TRAF6: variants seen among roughly 807,000 people sequenced by gnomAD.
TRAF6 encodes the protein TNF receptor-associated factor 6.
Under a neutral mutation model 48.4 loss-of-function variants are expected in TRAF6, and 10 were observed. That is an observed-to-expected ratio of 0.21 (90% CI 0.13 to 0.35). The LOEUF is 0.35. TRAF6 is among the 10% of genes least tolerant of loss of function. The pLI, the probability that TRAF6 is intolerant of heterozygous loss-of-function variation, is 1.00. For synonymous variants in TRAF6, 186 were observed against 219.6 expected (o/e 0.85, Z 1.35); for missense variants, 397 against 661.0 (o/e 0.60, Z 4.38).
At chr11:36,496,046 G>A (rs1454155706) in intron 4 of TRAF6, among the ~76,000 whole-genome samples, 1 of 152,098 alleles carries the variant, frequency 6.6e-6, no homozygotes, top group Non-Finnish European at 1.5e-5. Flanking sequence ...AACTGCCAAC[G>A]TGAATTTATA....
intron 6 of TRAF6, among the ~76,000 whole-genome samples, chr11:36,491,631 G>C (rs983051409): frequency 1.3e-5 from 2 of 152,140 alleles, no homozygotes; most frequent in African/African-American, 4.8e-5. Flanking sequence ...CATGAATCTT[G>C]AAACTAATTT....
chr11:36,494,947 AAAT>A (rs1859609853), intron 5 of TRAF6, 26 bp downstream of exon 5: 1 of 1,474,592 alleles, frequency 6.8e-7, no homozygotes, highest in Non-Finnish European at 9.4e-7. Context: ...CTGTTTATGA[AAAT>A]AATAATTTAT....
intron 5 of TRAF6, among the ~76,000 whole-genome samples, chr11:36,493,857 C>T (rs577823885): frequency 2.0e-5 from 3 of 152,296 alleles, no homozygotes; most frequent in Admixed American, 6.5e-5. Context: ...AGACTGTTAA[C>T]AAACCAATGA....
At position 36,490,189 on chromosome 11, in the gene TRAF6, A is replaced by G. The variant is rs1859544276; in HGVS notation, c.1218T>C (p.Tyr406=). 2 of 1,614,216 alleles carry G rather than the reference A, an allele frequency of 1.2e-6. No individual in the cohort carries two copies. The highest frequency in any genetic ancestry group is 1.1e-5 in the South Asian group (1 of 91,092). ...GCATTGTGTGGACAAAAAGGGATAT[A>G]TAGTTTGCACAGCGCTGAGCAGTCG... ...QLPTAQRCAN[Y]ISLFVHTMQG... The change falls in exon 7 of 7, where the codon TAT becomes TAC. Residue 406 remains tyrosine (Y), a synonymous_variant. Coordinates refer to ENST00000526995, the MANE Select transcript of TRAF6 (RefSeq NM_004620.4). This position sits in a 1 kb window ranked among gnomAD's most constrained non-coding sequence, Gnocchi z 6.4.
rs1348486967 is a variant in TRAF6, at chr11:36,488,261, T to C, written c.*1577A>G. 6.6e-6 allele frequency: 1 copy of C among 151,756 alleles called. No homozygotes were observed. Among genetic ancestry groups the C allele is most frequent in the Non-Finnish European group, 1.5e-5 (1 of 67,986 alleles). The allele number at this position is 151,756 out of a possible 1,614,324, so 9.4% of individuals were successfully genotyped here. A position where few individuals can be genotyped will look rare whatever the true frequency, so the allele number is the denominator to read the frequency against. On this transcript the variant is annotated 3_prime_UTR_variant, in exon 7 of 7. Coordinates refer to ENST00000526995, the MANE Select transcript of TRAF6 (RefSeq NM_004620.4). ...GGGAAACAAGGTCTCTGCTTGACTT[T>C]TATTTTCACTCCATAACAAACTCAC...
chr11:36,492,294 TCC>T, intron 6 of TRAF6, among the ~76,000 whole-genome samples: 1 of 152,212 alleles, frequency 6.6e-6, no homozygotes, highest in Non-Finnish European at 1.5e-5. Flanking sequence ...TGGTCTTCTC[TCC>T]TTTGTCTTCT....
chr11:36,509,289 T>C (rs1411362550), intron 1 of TRAF6, among the ~76,000 whole-genome samples: 1 of 152,224 alleles, frequency 6.6e-6, no homozygotes, highest in African/African-American at 2.4e-5. Context: ...TCTGTTCACA[T>C]TCAAGACAGT....
At chr11:36,502,011 G>T (rs1391941898) in intron 1 of TRAF6, among the ~76,000 whole-genome samples, 1 of 152,176 alleles carries the variant, frequency 6.6e-6, no homozygotes, top group Non-Finnish European at 1.5e-5. Flanking sequence ...TATCCATGTT[G>T]TTGAAGTTCC....
At chr11:36,495,234 G>A (rs1257307340) in intron 4 of TRAF6, among the ~76,000 whole-genome samples, 187 bp from the exon 5 acceptor site, 1 of 152,132 alleles carries the variant, frequency 6.6e-6, no homozygotes, top group Non-Finnish European at 1.5e-5. Flanking sequence ...GTGTAATAAT[G>A]AGATTCATTC....
In TRAF6 at chr11:36,484,809, C is replaced by A. The variant is rs1859459436; in HGVS notation, c.*5029G>T. ...CAGAAATTAGATAATTTATCAAGTG[C>A]AAAAAGAACACGAGAATATTCTGCA... On this transcript the variant is annotated 3_prime_UTR_variant, in exon 7 of 7. Coordinates refer to ENST00000526995, the MANE Select transcript of TRAF6 (RefSeq NM_004620.4). Among the ~76,000 whole-genome samples the A allele has an allele frequency of 6.6e-6, 1 of 152,084 alleles. No individual in the cohort carries two copies. Among genetic ancestry groups the A allele is most frequent in the African/African-American group, 2.4e-5 (1 of 41,398 alleles).
Position 36,507,678 on chromosome 11 carries a change from TGTATACATACACGAGCGTGTATATA to T in TRAF6, c.-23+2345_-23+2369del, listed in dbSNP as rs1427365252. On this transcript the variant is annotated intron_variant, in intron 1 of 6. Transcript: ENST00000526995. Reference sequence around the variant, plus strand: ...ATACATACACACGCGCGTGTATATATGTATACATACACGAGCGTGTATATATGTATACATACACGCGCGTGTATAT... The same window carrying T: ...ATACATACACACGCGCGTGTATATATTGTATACATACACGCGCGTGTATAT... 2.8e-5 allele frequency among the ~76,000 whole-genome samples: 2 copies of T among 71,994 alleles called. 1 individual carries two copies. Among genetic ancestry groups the T allele is most frequent in the Non-Finnish European group, 5.8e-5 (2 of 34,752 alleles). The allele number at this position is 71,994 out of a possible 152,430, so 47.2% of individuals were successfully genotyped here.
chr11:36,495,830 TGTGGTGAGCC>T (rs1425156087), intron 4 of TRAF6, among the ~76,000 whole-genome samples: 8 of 152,032 alleles, frequency 5.3e-5, no homozygotes, highest in African/African-American at 1.9e-4. Context: ...AGGCAGAGGT[TGTGGTGAGCC>T]GAGATTGCGC....
chr11:36,490,504 C>G lies in TRAF6; in HGVS notation c.903G>C (p.Gln301His). Residue 301 changes from glutamine (Q) to histidine (H), a missense_variant, in exon 7 of 7, where the codon CAG becomes CAC. Gln to His is a conservative substitution (Grantham distance 24). Transcript: ENST00000526995. This position sits in a 1 kb window ranked among gnomAD's most constrained non-coding sequence, Gnocchi z 6.4. ...CTTGTCTTACAAGGCGACCCTCTAACTGGTGAATAGTTTCCTGGAAATTCC... is the reference window on the plus strand; with the variant it reads ...CTTGTCTTACAAGGCGACCCTCTAAGTGGTGAATAGTTTCCTGGAAATTCC... ...EVRNFQETIH[Q>H]LEGRLVRQDH... 1.2e-6 allele frequency: 2 copies of G among 1,613,900 alleles called. No individual in the cohort carries two copies. The highest frequency in any genetic ancestry group is 1.7e-6 in the Non-Finnish European group (2 of 1,180,050).
chr11:36,507,114 T>C (rs1025237241), intron 1 of TRAF6, among the ~76,000 whole-genome samples: 5 of 148,546 alleles, frequency 3.4e-5, no homozygotes, highest in African/African-American at 1.2e-4. Flanking sequence ...TATATGTATA[T>C]ATACATGTAT....
intron 3 of TRAF6, 140 bp from the exon 4 acceptor site, chr11:36,497,406 T>C: frequency 1.4e-6 from 1 of 703,822 alleles, no homozygotes; most frequent in Non-Finnish European, 2.1e-6. Flanking sequence ...CCATTCACAA[T>C]ATGAACGTCT....
intron 3 of TRAF6, 44 bp downstream of exon 3, chr11:36,498,446 T>C: frequency 1.9e-6 from 3 of 1,570,152 alleles, no homozygotes; most frequent in Non-Finnish European, 2.6e-6. Context: ...CTGTAGGAAC[T>C]TCCTTTTATA....
At chr11:36,505,883 G>A (rs1374599945) in intron 1 of TRAF6, among the ~76,000 whole-genome samples, 2 of 152,104 alleles carry the variant, frequency 1.3e-5, no homozygotes, top group East Asian at 3.9e-4. Context: ...GCTGGTCAGT[G>A]GAGCAGTCAG....
chr11:36,499,177 C>T (rs892334587), intron 2 of TRAF6, among the ~76,000 whole-genome samples: 3 of 152,094 alleles, frequency 2.0e-5, no homozygotes, highest in Admixed American at 6.5e-5. Flanking sequence ...CAAAAGTTTC[C>T]TTTATTTGTA....
intron 1 of TRAF6, 34 bp downstream of exon 1, chr11:36,510,014 G>A (rs1859885907): frequency 6.6e-6 from 1 of 152,376 alleles, no homozygotes; most frequent in Non-Finnish European, 1.5e-5. Context: ...GCGAGGCGGC[G>A]GCCGCCAGGA....
Sources: allele counts gnomAD v4.1 joint callset (sites outside exome capture counted in the v4.1 genomes callset), GRCh38; gene constraint gnomAD v4.1.1; non-coding constraint Gnocchi (gnomAD v3.1); transcripts MANE v1.5; gene names NCBI Gene and HGNC (gene_info 2026-07-23, HGNC 2026-07-21).